Variants in PDE7B observed in about 807,000 individuals in gnomAD.
PDE7B encodes the protein 3',5'-cyclic-AMP phosphodiesterase 7B.
A neutral mutation model predicts 56.2 loss-of-function variants in PDE7B; 29 were observed. The observed-to-expected ratio is 0.52, with a 90% CI of 0.38 to 0.70. The LOEUF is 0.70. Ranked by LOEUF, PDE7B falls within the 30% of genes least tolerant of loss-of-function variation. The pLI, the probability that PDE7B is intolerant of heterozygous loss-of-function variation, is 0.00. For missense variants in PDE7B, 490 were observed against 565.0 expected (o/e 0.87, Z 1.35); for synonymous variants, 197 against 196.9 (o/e 1.00, Z 0.00).
intron 1 of PDE7B, among the ~76,000 whole-genome samples, chr6:135,944,712 C>T (rs1562448358): frequency 1.3e-5 from 2 of 152,100 alleles, no homozygotes; most frequent in Admixed American, 1.3e-4. Flanking sequence ...TTGTTTATGG[C>T]CAAGAAAGAG....
chr6:136,149,405 A>G (rs955681484), intron 5 of PDE7B, among the ~76,000 whole-genome samples: 1 of 152,234 alleles, frequency 6.6e-6, no homozygotes, highest in African/African-American at 2.4e-5. Flanking sequence ...TAGAAACCAC[A>G]GATTAGATTC....
At chr6:136,071,123 T>A (rs1045903035) in intron 2 of PDE7B, 1 of 152,070 alleles carries the variant, frequency 6.6e-6, no homozygotes, top group African/African-American at 2.4e-5. Context: ...CCAGAGAGGT[T>A]TGGAAAAGAG....
intron 2 of PDE7B, among the ~76,000 whole-genome samples, chr6:136,082,003 G>A (rs1456426744): frequency 6.6e-6 from 1 of 152,146 alleles, no homozygotes; most frequent in Non-Finnish European, 1.5e-5. Context: ...GTCAGGGTAG[G>A]GCCCATGAAT....
intron 1 of PDE7B, among the ~76,000 whole-genome samples, chr6:135,910,001 T>C (rs551419739): frequency 6.6e-6 from 1 of 152,344 alleles, no homozygotes; most frequent in South Asian, 2.1e-4. Context: ...AGACTGTTCC[T>C]GTTGCTTGCT....
At chr6:136,106,460 A>G (rs549086394) in intron 2 of PDE7B, among the ~76,000 whole-genome samples, 59 of 152,316 alleles carry the variant, frequency 3.9e-4, no homozygotes, top group African/African-American at 1.3e-3. Context: ...ATGAAGTCTA[A>G]CAGCCTAGAT....
intron 3 of PDE7B, among the ~76,000 whole-genome samples, chr6:136,119,016 C>T (rs910646375): frequency 6.6e-6 from 1 of 152,018 alleles, no homozygotes; most frequent in Non-Finnish European, 1.5e-5. Flanking sequence ...AAGAAAAGGG[C>T]GTGGTGGTGA....
At chr6:135,992,776 G>T (rs1775498271) in intron 2 of PDE7B, among the ~76,000 whole-genome samples, 1 of 152,120 alleles carries the variant, frequency 6.6e-6, no homozygotes, top group Admixed American at 6.6e-5. Context: ...TTGGTCCATG[G>T]AAAGAACACA....
chr6:136,146,138 G>T (rs376094902), intron 3 of PDE7B, among the ~76,000 whole-genome samples: 2 of 152,280 alleles, frequency 1.3e-5, no homozygotes, highest in African/African-American at 4.8e-5. Flanking sequence ...TCTGCCATCT[G>T]TTGTGATTTT....
chr6:136,151,185 C>A lies in PDE7B; in HGVS notation c.408C>A (p.Cys136Ter). ...TNGNSLVTLLCHLFNTHGLIH... is the reference protein window; with the variant it reads ...TNGNSLVTLL ...GAAACAGCCTGGTAACACTGTTGTG[C>A]CACCTCTTCAATACCCATGGACTCA... is the stretch of plus-strand genomic sequence containing the variant. The change falls in exon 6 of 13, where the codon TGC becomes TGA. Residue 136 changes from cysteine to a stop codon, truncating the protein, a stop_gained. Coordinates refer to ENST00000308191, the MANE Select transcript of PDE7B (RefSeq NM_018945.4). LOFTEE classifies it high-confidence loss of function. The A allele has an allele frequency of 6.2e-7, 1 of 1,608,848 alleles. No homozygotes were observed. Among genetic ancestry groups the A allele is most frequent in the Non-Finnish European group, 8.5e-7 (1 of 1,175,494 alleles).
chr6:136,016,091 T>C (rs966917333), intron 2 of PDE7B, among the ~76,000 whole-genome samples: 1 of 152,220 alleles, frequency 6.6e-6, no homozygotes, highest in African/African-American at 2.4e-5. Context: ...TCTTACAGGA[T>C]TGAGTTTCTC....
chr6:136,170,056 T>C (rs989528576), intron 8 of PDE7B, among the ~76,000 whole-genome samples: 1 of 152,160 alleles, frequency 6.6e-6, no homozygotes. Flanking sequence ...AGAATAGTTT[T>C]AGAATCAAGA....
chr6:136,123,837 A>G (rs1185236246), intron 3 of PDE7B, among the ~76,000 whole-genome samples: 2 of 152,232 alleles, frequency 1.3e-5, no homozygotes, highest in Non-Finnish European at 2.9e-5. Context: ...GGCCAGTGGT[A>G]CCACCTGAGA....
chr6:136,192,043 C>G lies in PDE7B; in HGVS notation c.*203C>G. On this transcript the variant is annotated 3_prime_UTR_variant, in exon 13 of 13. Coordinates refer to ENST00000308191, the MANE Select transcript of PDE7B (RefSeq NM_018945.4). Reference sequence around the variant, plus strand: ...CCATTTGTCACCTCAGCATTCGCTGCCGAAATGAGCAACTCCATTCAGTAA... The same window carrying G: ...CCATTTGTCACCTCAGCATTCGCTGGCGAAATGAGCAACTCCATTCAGTAA... 1.7e-6 allele frequency: 1 copy of G among 583,696 alleles called. No homozygotes were observed. 36.2% of individuals were successfully genotyped at this position (583,696 alleles called of 1,614,324 possible).
intron 2 of PDE7B, among the ~76,000 whole-genome samples, chr6:136,083,034 G>A (rs763666473): frequency 9.9e-5 from 15 of 152,210 alleles, no homozygotes; most frequent in Non-Finnish European, 1.9e-4. Context: ...CAGTGGGACA[G>A]CCAGGTAAAA....
intron 2 of PDE7B, among the ~76,000 whole-genome samples, chr6:136,045,811 TATGATGGGAATGAACGTAA>T (rs1776492793): frequency 6.6e-6 from 1 of 151,834 alleles, no homozygotes; most frequent in Non-Finnish European, 1.5e-5. Context: ...CAGCTAGAGC[TATGATGGGAATGAACGTAA>T]ATCTTCCGTA....
At chr6:136,189,428 G>A (rs896259763) in intron 12 of PDE7B, among the ~76,000 whole-genome samples, 3 of 152,132 alleles carry the variant, frequency 2.0e-5, no homozygotes, top group African/African-American at 7.2e-5. Context: ...AAAATTAGCT[G>A]GGTGTGGTGG....
intron 2 of PDE7B, among the ~76,000 whole-genome samples, chr6:136,031,054 T>C (rs1776239424): frequency 1.3e-5 from 2 of 152,272 alleles, no homozygotes; most frequent in South Asian, 4.1e-4. Context: ...TGTTCTTACA[T>C]AGCAGTTCTG....
intron 2 of PDE7B, among the ~76,000 whole-genome samples, chr6:136,079,642 G>A (rs1777174923): frequency 1.3e-5 from 2 of 150,228 alleles, no homozygotes; most frequent in Admixed American, 6.7e-5. Flanking sequence ...ATCTTTGACT[G>A]TGGCCAACAT....
At chr6:135,877,995 A>G (rs1197945766) in intron 1 of PDE7B, among the ~76,000 whole-genome samples, 1 of 152,204 alleles carries the variant, frequency 6.6e-6, no homozygotes, top group Non-Finnish European at 1.5e-5. Context: ...AACGTGCCAC[A>G]TGCAATTAGA....
Sources: gnomAD v4.1 joint callset for allele counts (sites outside exome capture counted in the v4.1 genomes callset) on GRCh38, gnomAD v4.1.1 for gene constraint, MANE v1.5 for transcripts, NCBI Gene and HGNC (gene_info 2026-07-23, HGNC 2026-07-21) for gene names.